The following AGAP1 variants were observed in gnomAD, a reference collection of about 807,000 sequenced individuals.
AGAP1 encodes the protein arf-GAP with GTPase, ANK repeat and PH domain-containing protein 1.
AGAP1 carries 29 observed loss-of-function variants against 105.3 expected under a neutral mutation model. That is an observed-to-expected ratio of 0.28 (90% CI 0.21 to 0.38). AGAP1 has a LOEUF of 0.38. AGAP1 is among the 10% of genes least tolerant of loss of function. The probability of loss-of-function intolerance (pLI) is 1.00; values close to 1 mark genes in which losing one functional copy is unlikely to be tolerated. For missense variants in AGAP1, 998 were observed against 1,165.1 expected, an observed-to-expected ratio of 0.86 and a Z score of 2.09; for synonymous variants, 509 against 485.9, an observed-to-expected ratio of 1.05 and a Z score of -0.63.
intron 5 of AGAP1, among the ~76,000 whole-genome samples, chr2:235,746,469 C>A (rs1243851771): frequency 7.7e-6 from 1 of 130,328 alleles, no homozygotes; most frequent in Non-Finnish European, 1.6e-5. Context: ...TCTGTTTAAT[C>A]CTAACACAGA....
Position 235,788,712 on chromosome 2 carries a change from G to A in AGAP1, c.674-9047G>A, listed in dbSNP as rs1214263943. ...TGACCCCCGAGGGTTCTCCAGACAG[G>A]ATCATTTGGAGCCCCTTCTTTCCCA... is the stretch of plus-strand genomic sequence containing the variant. On this transcript the variant is annotated intron_variant, in intron 6 of 17. Transcript: ENST00000304032. This position sits in a 1 kb window ranked among gnomAD's most constrained non-coding sequence, Gnocchi z 6.0. Among the ~76,000 whole-genome samples the A allele has an allele frequency of 3.9e-5, 6 of 152,174 alleles. No individual in the cohort carries two copies. Among genetic ancestry groups the A allele is most frequent in the African/African-American group, 7.2e-5 (3 of 41,442 alleles).
chr2:235,791,880 G>A (rs979659976), intron 6 of AGAP1, among the ~76,000 whole-genome samples: 2 of 152,168 alleles, frequency 1.3e-5, no homozygotes, highest in Non-Finnish European at 2.9e-5. Flanking sequence ...TGAAGTAAGT[G>A]TCACCTTTGG....
chr2:235,767,472 G>T (rs1276995566), intron 6 of AGAP1, among the ~76,000 whole-genome samples: 1 of 151,464 alleles, frequency 6.6e-6, no homozygotes, highest in Non-Finnish European at 1.5e-5. Flanking sequence ...TTTTTCCGTT[G>T]ACCAAAGCCA....
intron 1 of AGAP1, among the ~76,000 whole-genome samples, chr2:235,638,298 G>A (rs748297719): frequency 2.0e-5 from 3 of 152,128 alleles, no homozygotes; most frequent in Non-Finnish European, 4.4e-5. Context: ...TGCTGTGAGA[G>A]GTGAGTGTGG....
At chr2:235,706,795 T>C (rs1015109631) in intron 1 of AGAP1, among the ~76,000 whole-genome samples, 7 of 152,212 alleles carry the variant, frequency 4.6e-5, no homozygotes, top group Non-Finnish European at 1.0e-4. Flanking sequence ...GCCTGCATTT[T>C]GGAGTCATCA....
At chr2:235,774,454 G>A (rs754460874) in intron 6 of AGAP1, 9 of 459,094 alleles carry the variant, frequency 2.0e-5, no homozygotes, top group South Asian at 1.1e-4. Context: ...CCAAGTCAGC[G>A]TGGACTTGGG....
At chr2:235,818,073 ATATT>A (rs1958563362) in intron 9 of AGAP1, among the ~76,000 whole-genome samples, 1 of 152,200 alleles carries the variant, frequency 6.6e-6, no homozygotes, top group African/African-American at 2.4e-5. Flanking sequence ...GCTCCCTGCA[ATATT>A]TACTCCCTAA....
In AGAP1 at chr2:236,001,695, G is replaced by C. The variant is rs911722913; in HGVS notation, c.1645+33072G>C. On this transcript the variant is annotated intron_variant, in intron 13 of 17. Coordinates refer to ENST00000304032, the MANE Select transcript of AGAP1 (RefSeq NM_001037131.3). The surrounding 1 kb of genome is among the most constrained non-coding windows in gnomAD (Gnocchi z 4.7). ...TGGAGGGGCGGGGATTTCCCCTTTTGTTTTGTTTCTGTATAAGATCATACC... is the reference window on the plus strand; with the variant it reads ...TGGAGGGGCGGGGATTTCCCCTTTTCTTTTGTTTCTGTATAAGATCATACC... 1.3e-5 allele frequency among the ~76,000 whole-genome samples: 2 copies of C among 152,132 alleles called. No individual in the cohort carries two copies. Among genetic ancestry groups the C allele is most frequent in the African/African-American group, 4.8e-5 (2 of 41,440 alleles).
At chr2:235,667,581 G>T (rs914864862) in intron 1 of AGAP1, among the ~76,000 whole-genome samples, 1 of 152,126 alleles carries the variant, frequency 6.6e-6, no homozygotes, top group Admixed American at 6.5e-5. Context: ...CCAGATGGGC[G>T]CTAGGCTGTC....
At chr2:235,817,727 C>T (rs1001170372) in intron 9 of AGAP1, among the ~76,000 whole-genome samples, 2 of 152,038 alleles carry the variant, frequency 1.3e-5, no homozygotes, top group Non-Finnish European at 1.5e-5. Flanking sequence ...CCCATCTCTA[C>T]CAAAAAGACA....
In AGAP1 at chr2:235,977,465, A is replaced by T. The variant is rs2054907655; in HGVS notation, c.1645+8842A>T. Among the ~76,000 whole-genome samples, 1 of 152,056 alleles carries T rather than the reference A, an allele frequency of 6.6e-6. No homozygotes were observed. The highest frequency in any genetic ancestry group is 2.4e-5 in the African/African-American group (1 of 41,386). The stretch of plus-strand genomic sequence containing the variant: ...TTCCTCAGCTGCATGTATTTTACAC[A>T]CAAAGTACAGGGATACAGATTGAAA... On this transcript the variant is annotated intron_variant, in intron 13 of 17. Coordinates refer to ENST00000304032, the MANE Select transcript of AGAP1 (RefSeq NM_001037131.3). This position sits in a 1 kb window ranked among gnomAD's most constrained non-coding sequence, Gnocchi z 5.2.
chr2:235,598,632 T>C (rs1205887263), intron 1 of AGAP1, among the ~76,000 whole-genome samples: 1 of 152,196 alleles, frequency 6.6e-6, no homozygotes, highest in Non-Finnish European at 1.5e-5. Flanking sequence ...AAACTCAGAA[T>C]TGCCAAATTA....
Position 235,884,834 on chromosome 2 carries a change from A to G in AGAP1, c.1155+1385A>G, listed in dbSNP as rs548768825. Among the ~76,000 whole-genome samples, 10 of 151,448 alleles carry G rather than the reference A, an allele frequency of 6.6e-5. No individual in the cohort carries two copies. In the South Asian group the frequency reaches 8.6e-4, roughly 13 times the overall value. On this transcript the variant is annotated intron_variant, in intron 10 of 17. Coordinates refer to ENST00000304032, the MANE Select transcript of AGAP1 (RefSeq NM_001037131.3). The stretch of plus-strand genomic sequence containing the variant: ...AGATAACAAAAGGCAACTTTATATC[A>G]CTGTGTCAGGCTAGTAGTAATAGTC...
intron 12 of AGAP1, among the ~76,000 whole-genome samples, chr2:235,956,733 G>A (rs900438744): frequency 2.0e-5 from 3 of 152,254 alleles, no homozygotes; most frequent in Admixed American, 2.0e-4. Flanking sequence ...TCAAGACTGG[G>A]ACCTCCTGTG....
At chr2:235,529,134 T>C (rs1040443913) in intron 1 of AGAP1, among the ~76,000 whole-genome samples, 8 of 152,364 alleles carry the variant, frequency 5.3e-5, no homozygotes, top group African/African-American at 1.7e-4. Context: ...TGCTGCCTGG[T>C]AACTTTCCTT....
chr2:235,694,404 G>T (rs1260284794), intron 1 of AGAP1, among the ~76,000 whole-genome samples: 1 of 151,618 alleles, frequency 6.6e-6, no homozygotes, highest in South Asian at 2.1e-4. Context: ...GCGTGAACAC[G>T]GGAGGCAGAG....
rs946113722 is a variant in AGAP1 at position 235,905,237 on chromosome 2, A to C, written c.1156-3501A>C. On this transcript the variant is annotated intron_variant, in intron 10 of 17. Transcript: ENST00000304032. This position sits in a 1 kb window ranked among gnomAD's most constrained non-coding sequence, Gnocchi z 4.2. ...TCATTTTAGAGCCCATAAGCAATAA[A>C]TGCTCAATTACACTCCTGTTATTGT... 6.6e-6 allele frequency among the ~76,000 whole-genome samples: 1 copy of C among 152,242 alleles called. No homozygotes were observed. The highest frequency in any genetic ancestry group is 1.5e-5 in the Non-Finnish European group (1 of 68,032).
intron 1 of AGAP1, among the ~76,000 whole-genome samples, chr2:235,653,289 CA>C (rs1296193173): frequency 6.6e-6 from 1 of 151,816 alleles, no homozygotes; most frequent in East Asian, 2.0e-4. Context: ...CACGGTGAAA[CA>C]CTGTCTCTCC....
intron 11 of AGAP1, among the ~76,000 whole-genome samples, chr2:235,913,196 G>A (rs1156294270): frequency 6.6e-6 from 1 of 151,992 alleles, no homozygotes; most frequent in Admixed American, 6.6e-5. Context: ...CCAGATCACA[G>A]TTTACATATA....
Sources: gnomAD v4.1 joint callset for allele counts (sites outside exome capture counted in the v4.1 genomes callset) on GRCh38, gnomAD v4.1.1 for gene constraint, Gnocchi (gnomAD v3.1) non-coding constraint, MANE v1.5 for transcripts, NCBI Gene and HGNC (gene_info 2026-07-23, HGNC 2026-07-21) for gene names.